The following RPH3A variants were observed in gnomAD, a reference collection of about 807,000 sequenced individuals.
RPH3A encodes the protein rabphilin 3A.
A neutral mutation model predicts 102.2 loss-of-function variants in RPH3A; 48 were observed. The observed-to-expected ratio is 0.47, with a 90% CI of 0.37 to 0.60. RPH3A has a LOEUF of 0.60. Ranked by LOEUF, RPH3A falls within the 20% of genes least tolerant of loss-of-function variation. The pLI, the probability that RPH3A is intolerant of heterozygous loss-of-function variation, is 0.00. For missense variants in RPH3A, 781 were observed against 910.1 expected (o/e 0.86, Z 1.83); for synonymous variants, 310 against 324.3 (o/e 0.96, Z 0.47).
intron 1 of RPH3A, among the ~76,000 whole-genome samples, chr12:112,691,518 C>G (rs1456457272): frequency 6.6e-6 from 1 of 152,192 alleles, no homozygotes; most frequent in Non-Finnish European, 1.5e-5. Context: ...GTACAGTACC[C>G]TTTTGGTGAA....
intron 20 of RPH3A, 121 bp from the exon 21 acceptor site, chr12:112,895,656 T>C: frequency 1.6e-6 from 1 of 643,294 alleles, no homozygotes; most frequent in Admixed American, 2.3e-5. Flanking sequence ...ACCTCCTTGC[T>C]CCCAGAATGC....
intron 10 of RPH3A, 49 bp downstream of exon 10, chr12:112,870,088 C>G: frequency 1.3e-6 from 2 of 1,548,002 alleles, no homozygotes; most frequent in Non-Finnish European, 1.7e-6. Context: ...TAGGGAGACT[C>G]AAAAAGAATG....
intron 2 of RPH3A, among the ~76,000 whole-genome samples, chr12:112,819,108 G>T (rs776352056): frequency 1.3e-5 from 2 of 150,862 alleles, no homozygotes; most frequent in Non-Finnish European, 3.0e-5. Context: ...GTGTGTGTGT[G>T]TATATATATA....
At chr12:112,856,594 T>A (rs967325156) in intron 5 of RPH3A, among the ~76,000 whole-genome samples, 1 of 152,164 alleles carries the variant, frequency 6.6e-6, no homozygotes, top group African/African-American at 2.4e-5. Flanking sequence ...TCTGTGTGTG[T>A]GTGTGTTTAG....
intron 2 of RPH3A, among the ~76,000 whole-genome samples, chr12:112,802,454 G>GT (rs1203260165): frequency 6.6e-6 from 1 of 151,344 alleles, no homozygotes; most frequent in South Asian, 2.1e-4. Flanking sequence ...TGTGATTAAA[G>GT]TTTTTTTAAA....
rs371581954 is a variant in RPH3A, at chr12:112,891,590, G to A, written c.1775+587G>A. Among the ~76,000 whole-genome samples, 12 of 152,334 alleles carry A rather than the reference G, an allele frequency of 7.9e-5. No homozygotes were observed. The East Asian group carries it at 2.1e-3, about 27-fold the overall frequency. ...GGAGTCAGGGGAGAAAGGGAGAGATGTTAGACTACAATGCAAGTCTGACCT... is the reference window on the plus strand; with the variant it reads ...GGAGTCAGGGGAGAAAGGGAGAGATATTAGACTACAATGCAAGTCTGACCT... On this transcript the variant is annotated intron_variant, in intron 19 of 21. Coordinates refer to ENST00000389385, the MANE Select transcript of RPH3A (RefSeq NM_001143854.2).
chr12:112,842,782 C>A (rs1331070995), intron 4 of RPH3A, among the ~76,000 whole-genome samples: 1 of 152,230 alleles, frequency 6.6e-6, no homozygotes, highest in Non-Finnish European at 1.5e-5. Context: ...AGGATGGTCA[C>A]AATAGCAAGG....
chr12:112,868,560 C>T lies in RPH3A; in HGVS notation c.575C>T (p.Pro192Leu), dbSNP rs142374483. Residue 192 changes from proline to leucine, a missense_variant, in exon 8 of 22, where the codon CCT becomes CTT. Pro to Leu is a moderately conservative substitution (Grantham distance 98). Coordinates refer to ENST00000389385, the MANE Select transcript of RPH3A (RefSeq NM_001143854.2). Reference sequence around the variant, plus strand: ...CCTGCTGCCCCTGAACAGCCTGCTCCTGAGCCCAAGCACCCTGCCCGGGCT... The same window carrying T: ...CCTGCTGCCCCTGAACAGCCTGCTCTTGAGCCCAAGCACCCTGCCCGGGCT... The part of the protein sequence containing the change: ...SEPAAPEQPA[P>L]EPKHPARAPA... 2.5e-4 allele frequency: 411 copies of T among 1,614,172 alleles called. 1 individual carries two copies. Among genetic ancestry groups the T allele is most frequent in the Admixed American group, 2.7e-4 (16 of 60,022 alleles).
In RPH3A at chr12:112,713,018, TCTTCC is replaced by T. The variant is rs1565857257; in HGVS notation, c.-139-79124_-139-79120del. 4.6e-4 allele frequency among the ~76,000 whole-genome samples: 33 copies of T among 71,128 alleles called. 1 individual carries two copies. Among genetic ancestry groups the T allele is most frequent in the African/African-American group, 2.3e-3 (31 of 13,240 alleles). The allele number at this position is 71,128 out of a possible 152,430, so 46.7% of individuals were successfully genotyped here. ...GTCTTCCTCTTCCTCTTCCTCTTCCTCTTCCTCTTCTTCTTCTTCTTCTTCTTCTT... is the reference window on the plus strand; with the variant it reads ...GTCTTCCTCTTCCTCTTCCTCTTCCTTCTTCTTCTTCTTCTTCTTCTTCTT... On this transcript the variant is annotated intron_variant, in intron 1 of 21. Transcript: ENST00000543106.
chr12:112,615,945 G>C (rs184954760), intron 1 of RPH3A, among the ~76,000 whole-genome samples: 1 of 152,140 alleles, frequency 6.6e-6, no homozygotes, highest in African/African-American at 2.4e-5. Context: ...TCTGTTGTTT[G>C]AGATGGGGGC....
At chr12:112,618,473 A>G (rs555103551) in intron 1 of RPH3A, among the ~76,000 whole-genome samples, 1 of 152,278 alleles carries the variant, frequency 6.6e-6, no homozygotes, top group South Asian at 2.1e-4. Context: ...ATATCTTGCT[A>G]GTTGGGCAGG....
At chr12:112,808,716 C>T (rs151312470) in intron 2 of RPH3A, among the ~76,000 whole-genome samples, 5 of 152,274 alleles carry the variant, frequency 3.3e-5, no homozygotes, top group South Asian at 2.1e-4. Context: ...CCAGCAGTAC[C>T]GGTATTGCCT....
chr12:112,591,021 T>C (rs2039473491), intron 1 of RPH3A, among the ~76,000 whole-genome samples: 1 of 152,066 alleles, frequency 6.6e-6, no homozygotes, highest in Admixed American at 6.6e-5. Flanking sequence ...TCTCACTATA[T>C]TGCCTAGACT....
chr12:112,827,690 A>T (rs11066428), intron 2 of RPH3A, among the ~76,000 whole-genome samples: 2,572 of 151,734 alleles, frequency 0.017, 77 homozygotes, highest in African/African-American at 0.057. Flanking sequence ...ATTTTTTTTT[A>T]AAAAAGGCAG....
chr12:112,798,446 C>T (rs865818657), intron 2 of RPH3A, among the ~76,000 whole-genome samples: 3 of 152,202 alleles, frequency 2.0e-5, no homozygotes, highest in South Asian at 2.1e-4. Flanking sequence ...TACACAATGA[C>T]GAGTGGTGAC....
intron 12 of RPH3A, 54 bp from the exon 13 acceptor site, chr12:112,876,588 G>C (rs1197718983): frequency 1.5e-6 from 2 of 1,293,684 alleles, no homozygotes; most frequent in Non-Finnish European, 2.1e-6. Context: ...CCTAGGTGCT[G>C]CTGTTATGAA....
chr12:112,827,895 A>AT (rs2041906271), intron 2 of RPH3A, among the ~76,000 whole-genome samples: 3 of 88,884 alleles, frequency 3.4e-5, no homozygotes, highest in Non-Finnish European at 7.0e-5. Flanking sequence ...CTTAAGTATA[A>AT]TAAAAAAAAA....
intron 15 of RPH3A, among the ~76,000 whole-genome samples, chr12:112,882,592 C>T (rs553802101): frequency 3.3e-5 from 5 of 152,342 alleles, no homozygotes; most frequent in East Asian, 3.9e-4. Flanking sequence ...TCAACACACA[C>T]GCGTATACTT....
chr12:112,648,659 C>T (rs1008600398), intron 1 of RPH3A, among the ~76,000 whole-genome samples: 69 of 132,652 alleles, frequency 5.2e-4, no homozygotes, highest in African/African-American at 1.8e-3. Context: ...GTGGGAGGAT[C>T]GTCTGAGCCT....
Sources: gnomAD v4.1 joint callset for allele counts (sites outside exome capture counted in the v4.1 genomes callset) on GRCh38, gnomAD v4.1.1 for gene constraint, MANE v1.5 for transcripts, NCBI Gene and HGNC (gene_info 2026-07-23, HGNC 2026-07-21) for gene names.